MIGA2: variants seen among roughly 807,000 people sequenced by gnomAD.
MIGA2 encodes the protein mitoguardin 2.
MIGA2 carries 36 observed loss-of-function variants against 69.9 expected under a neutral mutation model. That is an observed-to-expected ratio of 0.52 (90% CI 0.39 to 0.68). MIGA2 has a LOEUF of 0.68. Among genes scored for constraint, MIGA2 ranks in the 30% least tolerant of loss-of-function variants. MIGA2 has a pLI of 0.00. For synonymous variants in MIGA2, 333 were observed against 349.2 expected (o/e 0.95, Z 0.52); for missense variants, 660 against 787.7 (o/e 0.84, Z 1.94).
intron 1 of MIGA2, among the ~76,000 whole-genome samples, chr9:129,039,143 C>T (rs1318192727): frequency 6.7e-6 from 1 of 150,040 alleles, no homozygotes; most frequent in African/African-American, 2.5e-5. Flanking sequence ...AAGAATGCAG[C>T]ACAAAATACG....
At position 129,061,476 on chromosome 9, in the gene MIGA2, C is replaced by T. The variant is rs943495769; in HGVS notation, c.1010+130C>T. 20 of 775,948 alleles carry T rather than the reference C, an allele frequency of 2.6e-5. No individual in the cohort carries two copies. In the Admixed American group the frequency reaches 3.3e-4, roughly 13 times the overall value. The allele number at this position is 775,948 out of a possible 1,614,324, so 48.1% of individuals were successfully genotyped here. On this transcript the variant is annotated intron_variant, in intron 9 of 15. Transcript: ENST00000684074. This position sits in a 1 kb window ranked among gnomAD's most constrained non-coding sequence, Gnocchi z 5.0. Reference sequence around the variant, plus strand: ...GAGTGAGTCCAGGCTGCCTGAGGGCCGTGGTGAGCTGGTGACAGCTCCTCC... The same window carrying T: ...GAGTGAGTCCAGGCTGCCTGAGGGCTGTGGTGAGCTGGTGACAGCTCCTCC...
At position 129,069,929 on chromosome 9, in the gene MIGA2, C is replaced by A; in HGVS notation, c.1539C>A (p.Pro513=). The A allele has an allele frequency of 6.2e-7, 1 of 1,611,514 alleles. No individual in the cohort carries two copies. The part of the protein sequence containing the change: ...SPVLAFGFLG[P]KPQLAEVCAF... ...TCCTAGCCTTCGGCTTCCTTGGACC[C>A]AAGCCTCAGCTTGCTGAAGTCTGTG... The change falls in exon 15 of 16, where the codon CCC becomes CCA. Residue 513 remains proline (P), a synonymous_variant. Transcript: ENST00000684074. The surrounding 1 kb of genome is among the most constrained non-coding windows in gnomAD (Gnocchi z 4.9).
At position 129,060,392 on chromosome 9, in the gene MIGA2, G is replaced by C. The variant is rs540202065; in HGVS notation, c.794-158G>C. ...GCGAGGAGTCCAGCGTCCTCACACA[G>C]AAGCGCTTGGCACGTCAGAGCTTTG... is the stretch of plus-strand genomic sequence containing the variant. On this transcript the variant is annotated intron_variant, in intron 7 of 15. Coordinates refer to ENST00000684074, the MANE Select transcript of MIGA2 (RefSeq NM_001329990.2). This position sits in a 1 kb window ranked among gnomAD's most constrained non-coding sequence, Gnocchi z 4.8. 3.3e-6 allele frequency: 2 copies of C among 614,744 alleles called. No individual in the cohort carries two copies. Among genetic ancestry groups the C allele is most frequent in the Admixed American group, 3.1e-5 (1 of 32,760 alleles). 38.1% of individuals were successfully genotyped at this position (614,744 alleles called of 1,614,324 possible). A position where few individuals can be genotyped will look rare whatever the true frequency, so the allele number is the denominator to read the frequency against.
rs1278108357 is a variant in MIGA2 at position 129,060,116 on chromosome 9, C to T, written c.794-434C>T. ...CTTGGGCGAGCACGGAGGGGAACTC[C>T]AGGTTAGTGGCTGTGGACTCTTTCG... On this transcript the variant is annotated intron_variant, in intron 7 of 15. Coordinates refer to ENST00000684074, the MANE Select transcript of MIGA2 (RefSeq NM_001329990.2). The surrounding 1 kb of genome is among the most constrained non-coding windows in gnomAD (Gnocchi z 4.8). 2.6e-5 allele frequency among the ~76,000 whole-genome samples: 4 copies of T among 152,182 alleles called. No individual in the cohort carries two copies. The highest frequency in any genetic ancestry group is 4.4e-5 in the Non-Finnish European group (3 of 68,032).
At chr9:129,062,987 A>C (rs1243809077) in intron 9 of MIGA2, among the ~76,000 whole-genome samples, 2 of 152,270 alleles carry the variant, frequency 1.3e-5, no homozygotes, top group Middle Eastern at 3.4e-3. Flanking sequence ...TGGCCTAAGG[A>C]GGCCTCGGTC....
intron 11 of MIGA2, among the ~76,000 whole-genome samples, chr9:129,063,867 C>T (rs896903539): frequency 3.9e-5 from 6 of 152,204 alleles, no homozygotes; most frequent in African/African-American, 1.2e-4. Flanking sequence ...TCTCTCCATG[C>T]TGGCACTGGG....
chr9:129,050,354 A>G lies in MIGA2; in HGVS notation c.675+391A>G, dbSNP rs544122440. Among the ~76,000 whole-genome samples, 6 of 152,206 alleles carry G rather than the reference A, an allele frequency of 3.9e-5. No homozygotes were observed. The East Asian group carries it at 1.2e-3, about 29-fold the overall frequency. On this transcript the variant is annotated intron_variant, in intron 6 of 15. Transcript: ENST00000684074. ...CAGTGGCGCAATCTTGGCTCACTGC[A>G]ACCTTCACCTGCCAGGTTCAAGCGA...
chr9:129,053,817 ACT>A (rs1474588947), intron 6 of MIGA2, among the ~76,000 whole-genome samples: 4 of 150,602 alleles, frequency 2.7e-5, no homozygotes, highest in African/African-American at 2.4e-5. Flanking sequence ...ACATAGTGAG[ACT>A]CTGTCTCAAA....
Position 129,038,012 on chromosome 9 carries a change from A to G in MIGA2, c.-144+1331A>G, listed in dbSNP as rs553608605. On this transcript the variant is annotated intron_variant, in intron 1 of 15. Transcript: ENST00000684074. ...GCCTGTTCTGGATCTGGCCTGGAAT[A>G]AGAGCTTGGGAAATAGTAGCTGCTG... is the stretch of plus-strand genomic sequence containing the variant. Among the ~76,000 whole-genome samples, 74 of 152,296 alleles carry G rather than the reference A, an allele frequency of 4.9e-4. 1 individual carries two copies. In the South Asian group the frequency reaches 0.015, roughly 30 times the overall value.
At chr9:129,066,868 G>A (rs999770230) in intron 11 of MIGA2, among the ~76,000 whole-genome samples, 22 of 148,690 alleles carry the variant, frequency 1.5e-4, no homozygotes, top group African/African-American at 5.5e-4. Context: ...GGCTGAGGCA[G>A]GAGAATGGCG....
intron 6 of MIGA2, 130 bp downstream of exon 6, chr9:129,050,093 C>A: frequency 4.8e-6 from 6 of 1,253,856 alleles, no homozygotes; most frequent in Non-Finnish European, 6.6e-6. Context: ...ATGAGGGTGT[C>A]TTGATGTGAA....
chr9:129,061,421 A>G lies in MIGA2; in HGVS notation c.1010+75A>G. On this transcript the variant is annotated intron_variant, in intron 9 of 15. Coordinates refer to ENST00000684074, the MANE Select transcript of MIGA2 (RefSeq NM_001329990.2). The surrounding 1 kb of genome is among the most constrained non-coding windows in gnomAD (Gnocchi z 5.0). ...TTCTGGCCCTTGCGGGAGGCGGAGA[A>G]GCCAGCGGTGCTTGGCGAGGACTTA... 1 of 1,357,196 alleles carries G rather than the reference A, an allele frequency of 7.4e-7. No individual in the cohort carries two copies. Among genetic ancestry groups the G allele is most frequent in the Non-Finnish European group, 1.0e-6 (1 of 984,394 alleles). The allele number at this position is 1,357,196 out of a possible 1,614,324, so 84.1% of individuals were successfully genotyped here.
intron 6 of MIGA2, among the ~76,000 whole-genome samples, chr9:129,057,363 G>T (rs145227117): frequency 2.0e-5 from 3 of 148,402 alleles, no homozygotes; most frequent in Non-Finnish European, 4.5e-5. Context: ...TCTCGATCTC[G>T]GCTCACTGCA....
chr9:129,050,497 A>G (rs1300196168), intron 6 of MIGA2, among the ~76,000 whole-genome samples: 1 of 148,156 alleles, frequency 6.7e-6, no homozygotes, highest in Non-Finnish European at 1.5e-5. Context: ...CTGGTCTTGA[A>G]CTCTTGACCT....
rs1846537066 is a variant in MIGA2 at position 129,069,278 on chromosome 9, G to A, written c.1458+149G>A. The A allele has an allele frequency of 2.1e-6, 2 of 971,252 alleles. No individual in the cohort carries two copies. The highest frequency in any genetic ancestry group is 1.6e-6 in the Non-Finnish European group (1 of 629,336). 60.2% of individuals were successfully genotyped at this position (971,252 alleles called of 1,614,324 possible). On this transcript the variant is annotated intron_variant, in intron 14 of 15. Transcript: ENST00000684074. The surrounding 1 kb of genome is among the most constrained non-coding windows in gnomAD (Gnocchi z 4.9). ...TTGTTCCGCCGTTACCTCTCCCTGT[G>A]CCAGGAGCTCCCTGGAGGCTCGTGT... is the stretch of plus-strand genomic sequence containing the variant.
At chr9:129,053,405 C>G (rs1435239683) in intron 6 of MIGA2, among the ~76,000 whole-genome samples, 1 of 151,618 alleles carries the variant, frequency 6.6e-6, no homozygotes, top group Non-Finnish European at 1.5e-5. Context: ...CTTTTGTTGC[C>G]CAGGCTGGAG....
Position 129,069,341 on chromosome 9 carries a change from C to T in MIGA2, c.1458+212C>T. 8.0e-6 allele frequency: 5 copies of T among 622,734 alleles called. No homozygotes were observed. Among genetic ancestry groups the T allele is most frequent in the South Asian group, 5.6e-5 (3 of 53,306 alleles). 38.6% of individuals were successfully genotyped at this position (622,734 alleles called of 1,614,324 possible). ...TCTCCTCCCCAGGCCCAGCACAGAGCAGGCCACTGGGGAGGGGAACGGATA... is the reference window on the plus strand; with the variant it reads ...TCTCCTCCCCAGGCCCAGCACAGAGTAGGCCACTGGGGAGGGGAACGGATA... On this transcript the variant is annotated intron_variant, in intron 14 of 15. Transcript: ENST00000684074. This position sits in a 1 kb window ranked among gnomAD's most constrained non-coding sequence, Gnocchi z 4.9.
chr9:129,048,316 C>T (rs752424008), intron 3 of MIGA2, 111 bp from the exon 4 acceptor site: 30 of 917,126 alleles, frequency 3.3e-5, no homozygotes, highest in East Asian at 4.8e-5. Context: ...CTTAGAAGGT[C>T]GGGACCGATT....
intron 9 of MIGA2, among the ~76,000 whole-genome samples, chr9:129,062,551 CAAAA>C (rs1322393279): frequency 2.9e-5 from 4 of 137,302 alleles, no homozygotes; most frequent in Non-Finnish European, 4.7e-5. Flanking sequence ...AAAAAAAAAG[CAAAA>C]AAACTGGGCC....
Sources: gnomAD v4.1 joint callset for allele counts (sites outside exome capture counted in the v4.1 genomes callset) on GRCh38, gnomAD v4.1.1 for gene constraint, Gnocchi (gnomAD v3.1) non-coding constraint, MANE v1.5 for transcripts, NCBI Gene and HGNC (gene_info 2026-07-23, HGNC 2026-07-21) for gene names.